RARB: variants seen among roughly 807,000 people sequenced by gnomAD.
The protein encoded by RARB is retinoic acid receptor beta.
Under a neutral mutation model 51.9 loss-of-function variants are expected in RARB, and 17 were observed. The ratio of observed to expected loss-of-function variants is 0.33; its 90% CI spans 0.22 to 0.49. The LOEUF is 0.49. Among genes scored for constraint, RARB ranks in the 20% least tolerant of loss-of-function variants. The pLI is 0.99. For synonymous variants in RARB, 215 were observed against 195.4 expected (o/e 1.10, Z -0.84); for missense variants, 369 against 550.8 (o/e 0.67, Z 3.30).
chr3:25,495,485 A>G (rs1156851152), intron 2 of RARB, among the ~76,000 whole-genome samples: 1 of 152,254 alleles, frequency 6.6e-6, no homozygotes, highest in Non-Finnish European at 1.5e-5. Context: ...AAACAGTGGT[A>G]CTTCATACCC....
At chr3:24,969,065 C>G (rs1048242865) in intron 2 of RARB, among the ~76,000 whole-genome samples, 2 of 151,636 alleles carry the variant, frequency 1.3e-5, no homozygotes, top group Admixed American at 6.6e-5. Context: ...ATTTGTAATT[C>G]TGATACAATA....
chr3:25,090,641 T>C (rs907287250), intron 3 of RARB, among the ~76,000 whole-genome samples: 1 of 152,154 alleles, frequency 6.6e-6, no homozygotes, highest in Non-Finnish European at 1.5e-5. Context: ...GCCCTTAATA[T>C]AGACAATGAA....
chr3:25,154,405 T>C (rs1007253274), intron 4 of RARB, among the ~76,000 whole-genome samples: 12 of 152,190 alleles, frequency 7.9e-5, no homozygotes, highest in Admixed American at 3.9e-4. Context: ...TATGTCTTAT[T>C]CTATCTGTGC....
chr3:25,268,128 A>G (rs1402309687), intron 5 of RARB, among the ~76,000 whole-genome samples: 2 of 152,192 alleles, frequency 1.3e-5, no homozygotes, highest in Non-Finnish European at 2.9e-5. Context: ...TCTAACATGA[A>G]CGACATCAAC....
intron 5 of RARB, among the ~76,000 whole-genome samples, chr3:25,394,812 T>C (rs116264829): frequency 0.013 from 1,983 of 152,262 alleles, 40 homozygotes; most frequent in African/African-American, 0.044. Context: ...GGTGAGTCTC[T>C]AGAAGGCAGC....
chr3:25,305,504 A>G (rs1242199799), intron 5 of RARB, among the ~76,000 whole-genome samples: 1 of 152,234 alleles, frequency 6.6e-6, no homozygotes, highest in African/African-American at 2.4e-5. Context: ...TCAGAGCTGT[A>G]CCACAAGCAA....
chr3:25,467,594 C>T (rs949326877), intron 2 of RARB, among the ~76,000 whole-genome samples: 2 of 147,272 alleles, frequency 1.4e-5, no homozygotes, highest in Admixed American at 6.8e-5. Context: ...GCTAATATCC[C>T]CTTGGCCAAA....
chr3:25,157,790 C>T (rs1392005456), intron 4 of RARB, among the ~76,000 whole-genome samples: 4 of 152,146 alleles, frequency 2.6e-5, no homozygotes, highest in African/African-American at 4.8e-5. Context: ...AGCTGAGACT[C>T]GAGATTTTAC....
intron 2 of RARB, among the ~76,000 whole-genome samples, chr3:24,978,594 G>A (rs747779671): frequency 6.6e-6 from 1 of 151,882 alleles, no homozygotes; most frequent in African/African-American, 2.4e-5. Flanking sequence ...TGGGGTTGTT[G>A]GTGATATCCC....
intron 2 of RARB, among the ~76,000 whole-genome samples, chr3:25,003,593 A>G (rs945422716): frequency 1.3e-5 from 2 of 152,154 alleles, no homozygotes; most frequent in Non-Finnish European, 2.9e-5. Context: ...TTTATTTGGT[A>G]CCTTCTATGT....
At chr3:25,002,063 A>G (rs962804796) in intron 2 of RARB, among the ~76,000 whole-genome samples, 3 of 152,056 alleles carry the variant, frequency 2.0e-5, no homozygotes, top group African/African-American at 7.2e-5. Flanking sequence ...GAGCCACCAT[A>G]CCTGGCTTAT....
chr3:25,174,415 C>T (rs532316424), exon 5 of RARB: 39 of 1,352,010 alleles, frequency 2.9e-5, no homozygotes, highest in East Asian at 9.1e-5. Flanking sequence ...CCAGCGGCCA[C>T]GCATGTCCGG....
At chr3:25,495,959 C>A (rs1233844226) in intron 2 of RARB, among the ~76,000 whole-genome samples, 1 of 152,192 alleles carries the variant, frequency 6.6e-6, no homozygotes, top group Non-Finnish European at 1.5e-5. Context: ...TCAACGTGCA[C>A]AAGTCACAGC....
intron 2 of RARB, among the ~76,000 whole-genome samples, chr3:24,906,165 C>G (rs538796977): frequency 6.6e-6 from 1 of 152,214 alleles, no homozygotes; most frequent in Non-Finnish European, 1.5e-5. Context: ...GAGGGGATGT[C>G]GTGGCCACAT....
chr3:24,962,535 T>C (rs1696164086), intron 2 of RARB, among the ~76,000 whole-genome samples: 1 of 152,166 alleles, frequency 6.6e-6, no homozygotes, highest in African/African-American at 2.4e-5. Context: ...CCATGGCCTT[T>C]AGGAACTAGG....
intron 5 of RARB, among the ~76,000 whole-genome samples, chr3:25,382,951 T>C (rs1350615347): frequency 1.3e-5 from 2 of 152,114 alleles, no homozygotes; most frequent in Non-Finnish European, 2.9e-5. Context: ...GTCATAACTT[T>C]CCCTCATAGG....
intron 5 of RARB, among the ~76,000 whole-genome samples, chr3:25,405,695 T>A (rs960528047): frequency 6.6e-6 from 1 of 152,266 alleles, no homozygotes; most frequent in Non-Finnish European, 1.5e-5. Flanking sequence ...TCATAGTATC[T>A]TCACTCCTTG....
intron 3 of RARB, among the ~76,000 whole-genome samples, chr3:25,128,865 A>G (rs1699901129): frequency 6.6e-6 from 1 of 152,164 alleles, no homozygotes; most frequent in African/African-American, 2.4e-5. Flanking sequence ...TAAAAACTCA[A>G]TGAGTGAATC....
At chr3:25,285,990 C>A (rs1015456371) in intron 5 of RARB, among the ~76,000 whole-genome samples, 2 of 152,032 alleles carry the variant, frequency 1.3e-5, no homozygotes, top group Non-Finnish European at 2.9e-5. Flanking sequence ...TTCTGCCTCC[C>A]TATTCTTATT....
Sources: gnomAD v4.1 joint callset for allele counts (sites outside exome capture counted in the v4.1 genomes callset) on GRCh38, gnomAD v4.1.1 for gene constraint, MANE v1.5 for transcripts, NCBI Gene and HGNC (gene_info 2026-07-23, HGNC 2026-07-21) for gene names.